The following PLCB1 variants were observed in gnomAD, a reference collection of about 807,000 sequenced individuals.
The protein encoded by PLCB1 is 1-phosphatidylinositol 4,5-bisphosphate phosphodiesterase beta-1.
In PLCB1, 46 loss-of-function variants were observed where a neutral mutation model predicts 161.8. That is an observed-to-expected ratio of 0.28 (90% confidence interval 0.22 to 0.36). PLCB1 has a LOEUF of 0.36. PLCB1 is among the 10% of genes least tolerant of loss of function. The pLI, the probability that PLCB1 is intolerant of heterozygous loss-of-function variation, is 1.00. For missense variants in PLCB1, 1,016 were observed against 1,472.5 expected (o/e 0.69, Z 5.07); for synonymous variants, 517 against 503.7 (o/e 1.03, Z -0.35).
At chr20:8,250,967 AT>A (rs1466695194) in intron 2 of PLCB1, among the ~76,000 whole-genome samples, 1 of 152,008 alleles carries the variant, frequency 6.6e-6, no homozygotes, top group Non-Finnish European at 1.5e-5. Flanking sequence ...TCAGACTGCT[AT>A]TACAACAATA....
At chr20:8,193,058 A>T (rs6039084) in intron 2 of PLCB1, among the ~76,000 whole-genome samples, 47,892 of 151,954 alleles carry the variant, frequency 0.32, 9,877 homozygotes, top group African/African-American at 0.59. Context: ...TTTGCATATG[A>T]AATGGGATAT....
chr20:8,574,487 G>A (rs1232336544), intron 3 of PLCB1, among the ~76,000 whole-genome samples: 2 of 152,198 alleles, frequency 1.3e-5, no homozygotes, highest in African/African-American at 2.4e-5. Flanking sequence ...AATACTAAGT[G>A]TTTATTATTC....
intron 3 of PLCB1, among the ~76,000 whole-genome samples, chr20:8,576,739 A>G (rs528316103): frequency 9.8e-5 from 15 of 152,324 alleles, no homozygotes; most frequent in African/African-American, 3.4e-4. Flanking sequence ...TCTTTTATCT[A>G]GCTGGAATTA....
chr20:8,205,580 T>C (rs889626960), intron 2 of PLCB1, among the ~76,000 whole-genome samples: 2 of 152,156 alleles, frequency 1.3e-5, no homozygotes, highest in African/African-American at 2.4e-5. Flanking sequence ...ACAATTCCAA[T>C]GTATGGCTTT....
intron 3 of PLCB1, among the ~76,000 whole-genome samples, chr20:8,487,093 A>G (rs1982762261): frequency 6.6e-6 from 1 of 152,194 alleles, no homozygotes; most frequent in Admixed American, 6.5e-5. Context: ...TTGTATTACA[A>G]AATGTAAGCA....
intron 12 of PLCB1, among the ~76,000 whole-genome samples, chr20:8,712,379 A>G (rs1248272785): frequency 6.6e-6 from 1 of 152,128 alleles, no homozygotes; most frequent in Non-Finnish European, 1.5e-5. Context: ...ATCTGAAGTC[A>G]CCTATCCATA....
chr20:8,399,406 C>T (rs897948335), intron 3 of PLCB1, among the ~76,000 whole-genome samples: 3 of 152,136 alleles, frequency 2.0e-5, no homozygotes, highest in African/African-American at 7.2e-5. Context: ...AAAATACTTA[C>T]CTTTTTCATA....
intron 2 of PLCB1, among the ~76,000 whole-genome samples, chr20:8,267,372 A>G (rs2123255378): frequency 6.6e-6 from 1 of 152,174 alleles, no homozygotes; most frequent in East Asian, 1.9e-4. Context: ...ACACAGTGCA[A>G]ACATCCCAAC....
chr20:8,551,791 T>C lies in PLCB1; in HGVS notation c.247-76503T>C, dbSNP rs569412280. Reference sequence around the variant, plus strand: ...CCTCTTTCTTGCTTTCCCACTCTTCTACCCGTATTTTCTCTGATCACCTCC... The same window carrying C: ...CCTCTTTCTTGCTTTCCCACTCTTCCACCCGTATTTTCTCTGATCACCTCC... On this transcript the variant is annotated intron_variant, in intron 3 of 31. Coordinates refer to ENST00000338037, the MANE Select transcript of PLCB1 (RefSeq NM_015192.4). Among the ~76,000 whole-genome samples the C allele has an allele frequency of 3.3e-5, 5 of 152,278 alleles. No homozygotes were observed. The East Asian group carries it at 7.7e-4, about 24-fold the overall frequency.
intron 14 of PLCB1, among the ~76,000 whole-genome samples, chr20:8,720,913 A>C (rs1007701068): frequency 2.0e-5 from 3 of 152,062 alleles, no homozygotes; most frequent in Non-Finnish European, 2.9e-5. Flanking sequence ...AAAATGCTTA[A>C]GTGGCAATAC....
At chr20:8,416,669 G>A (rs1461291920) in intron 3 of PLCB1, among the ~76,000 whole-genome samples, 2 of 152,068 alleles carry the variant, frequency 1.3e-5, no homozygotes, top group African/African-American at 2.4e-5. Context: ...CAGAGCATGG[G>A]ATTTAACATG....
At chr20:8,432,877 A>G (rs1018827084) in intron 3 of PLCB1, among the ~76,000 whole-genome samples, 1 of 152,188 alleles carries the variant, frequency 6.6e-6, no homozygotes, top group African/African-American at 2.4e-5. Flanking sequence ...ACTGAGTTAA[A>G]TTTAACTGAA....
chr20:8,138,653 T>C (rs765632817), intron 1 of PLCB1, among the ~76,000 whole-genome samples: 25 of 152,310 alleles, frequency 1.6e-4, no homozygotes, highest in Non-Finnish European at 2.8e-4. Context: ...AAAGGAAATA[T>C]AGACATATTT....
At chr20:8,253,150 A>G (rs1981242011) in intron 2 of PLCB1, among the ~76,000 whole-genome samples, 4 of 151,996 alleles carry the variant, frequency 2.6e-5, no homozygotes, top group Admixed American at 1.3e-4. Context: ...TATTGAAACG[A>G]CAGAAACTCT....
chr20:8,421,998 C>T (rs1979556293), intron 3 of PLCB1, among the ~76,000 whole-genome samples: 1 of 152,218 alleles, frequency 6.6e-6, no homozygotes, highest in Non-Finnish European at 1.5e-5. Context: ...ATTACAACTA[C>T]AGGCAAGTTG....
chr20:8,644,602 C>T (rs1989092438), intron 4 of PLCB1, among the ~76,000 whole-genome samples: 1 of 151,624 alleles, frequency 6.6e-6, no homozygotes, highest in South Asian at 2.1e-4. Flanking sequence ...CGCCTGGCAG[C>T]TGCCCTGTCT....
chr20:8,575,152 G>A (rs1986637295), intron 3 of PLCB1, among the ~76,000 whole-genome samples: 1 of 152,206 alleles, frequency 6.6e-6, no homozygotes, highest in South Asian at 2.1e-4. Flanking sequence ...AGATGCAGTA[G>A]AGAAATTGGA....
chr20:8,772,675 G>A (rs1232078764), intron 26 of PLCB1, among the ~76,000 whole-genome samples: 1 of 152,188 alleles, frequency 6.6e-6, no homozygotes, highest in Non-Finnish European at 1.5e-5. Flanking sequence ...GCTCATGCCT[G>A]TAATCCCAGC....
At chr20:8,874,024 T>C (rs1206899080) in intron 31 of PLCB1, among the ~76,000 whole-genome samples, 1 of 152,064 alleles carries the variant, frequency 6.6e-6, no homozygotes, top group Non-Finnish European at 1.5e-5. Flanking sequence ...ATATGCAGCA[T>C]GTATTTTACA....
Sources: gnomAD v4.1 joint callset for allele counts (sites outside exome capture counted in the v4.1 genomes callset) on GRCh38, gnomAD v4.1.1 for gene constraint, MANE v1.5 for transcripts, NCBI Gene and HGNC (gene_info 2026-07-23, HGNC 2026-07-21) for gene names.